The following TRAF7 variants were observed in gnomAD, a reference collection of about 807,000 sequenced individuals.
TRAF7 encodes the protein TNF receptor associated factor 7.
A neutral mutation model predicts 89.3 loss-of-function variants in TRAF7; 45 were observed. The ratio of observed to expected loss-of-function variants is 0.50; its 90% confidence interval spans 0.40 to 0.65. The LOEUF (loss-of-function observed/expected upper bound fraction) is 0.65, where lower values mean the gene tolerates loss of function less well. TRAF7 is among the 30% of genes least tolerant of loss of function. TRAF7 has a pLI of 0.00. For missense variants in TRAF7, 677 were observed against 918.1 expected, an observed-to-expected ratio of 0.74 and a Z score of 3.39; for synonymous variants, 406 against 369.2, an observed-to-expected ratio of 1.10 and a Z score of -1.14.
At chr16:2,172,620 G>T in intron 9 of TRAF7, 21 bp downstream of exon 9, 1 of 1,316,448 alleles carries the variant, frequency 7.6e-7, no homozygotes, top group South Asian at 1.3e-5. Flanking sequence ...GGCGGGCGGG[G>T]GTGGGCCGGG....
At chr16:2,157,972 G>T (rs1479863598) in intron 1 of TRAF7, among the ~76,000 whole-genome samples, 1 of 152,186 alleles carries the variant, frequency 6.6e-6, no homozygotes, top group African/African-American at 2.4e-5. Context: ...TTCCAGACAG[G>T]GTTCTGGCTC....
Position 2,172,240 on chromosome 16 carries a change from C to G in TRAF7, c.525C>G (p.Ile175Met). 3.7e-6 allele frequency: 6 copies of G among 1,613,066 alleles called. No individual in the cohort carries two copies. The highest frequency in any genetic ancestry group is 5.1e-6 in the Non-Finnish European group (6 of 1,180,000). ...NVKLTVVVNN[I>M]AVAEQIGELF... ...AACTGACCGTGGTGGTGAACAACATCGCGGTGGCCGAGCAGATCGGGGAGC... is the reference window on the plus strand; with the variant it reads ...AACTGACCGTGGTGGTGAACAACATGGCGGTGGCCGAGCAGATCGGGGAGC... Residue 175 changes from isoleucine (I) to methionine (M), a missense_variant, in exon 8 of 21, where the codon ATC becomes ATG. By Grantham distance (10) the Ile-to-Met change is conservative (BLOSUM62 1). Around this residue, in one of 6 missense-constraint regions of TRAF7, gnomAD observed 238 missense variants for 352.6 expected, o/e 0.67. Coordinates refer to ENST00000326181, the MANE Select transcript of TRAF7 (RefSeq NM_032271.3).
Position 2,177,920 on chromosome 16 carries a change from C to T in TRAF7, c.*1346C>T. On this transcript the variant is annotated 3_prime_UTR_variant, in exon 21 of 21. Coordinates refer to ENST00000326181, the MANE Select transcript of TRAF7 (RefSeq NM_032271.3). The stretch of plus-strand genomic sequence containing the variant: ...TAGCAGCCTGGGGCCTCCACTCTGG[C>T]CGGAGGAAGGACCGCAGGCAGACAG... 2.9e-6 allele frequency: 1 copy of T among 344,936 alleles called. No homozygotes were observed. Among genetic ancestry groups the T allele is most frequent in the Non-Finnish European group, 5.4e-6 (1 of 183,932 alleles). The allele number at this position is 344,936 out of a possible 1,614,324, so 21.4% of individuals were successfully genotyped here.
chr16:2,177,400 C>T lies in TRAF7; in HGVS notation c.*826C>T, dbSNP rs971912349. The T allele has an allele frequency of 4.3e-6, 1 of 233,418 alleles. No individual in the cohort carries two copies. Among genetic ancestry groups the T allele is most frequent in the Non-Finnish European group, 8.5e-6 (1 of 118,096 alleles). The allele number at this position is 233,418 out of a possible 1,614,324, so 14.5% of individuals were successfully genotyped here. A position where few individuals can be genotyped will look rare whatever the true frequency, so the allele number is the denominator to read the frequency against. ...GCCTCCACCCGCCCCACACCACAATCGCTGGTTTTCGGCATTTTTTAAATT... is the reference window on the plus strand; with the variant it reads ...GCCTCCACCCGCCCCACACCACAATTGCTGGTTTTCGGCATTTTTTAAATT... On this transcript the variant is annotated 3_prime_UTR_variant, in exon 21 of 21. Coordinates refer to ENST00000326181, the MANE Select transcript of TRAF7 (RefSeq NM_032271.3).
rs773846122 is a variant in TRAF7, at chr16:2,163,971, C to A, written c.51C>A (p.Ser17Arg). Residue 17 changes from serine (S) to arginine (R), a missense_variant, in exon 2 of 21, where the codon AGC becomes AGA. Ser to Arg is a moderately radical substitution (Grantham distance 110, BLOSUM62 -1). Around this residue, in one of 6 missense-constraint regions of TRAF7, gnomAD observed 240 missense variants for 191.9 expected, o/e 1.25. Coordinates refer to ENST00000326181, the MANE Select transcript of TRAF7 (RefSeq NM_032271.3). The surrounding 1 kb of genome is among the most constrained non-coding windows in gnomAD (Gnocchi z 4.3). ...ACAACCGCTTCTCCGGGGGGCCCAGCAATCTTCCCACCCCAGACGTCACCA... is the reference window on the plus strand; with the variant it reads ...ACAACCGCTTCTCCGGGGGGCCCAGAAATCTTCCCACCCCAGACGTCACCA... ...ARYNRFSGGP[S>R]NLPTPDVTTG... 2 of 1,612,802 alleles carry A rather than the reference C, an allele frequency of 1.2e-6. No homozygotes were observed. Among genetic ancestry groups the A allele is most frequent in the Non-Finnish European group, 1.7e-6 (2 of 1,179,706 alleles).
Position 2,170,595 on chromosome 16 carries a change from C to T in TRAF7, c.232-19C>T, listed in dbSNP as rs112236398. 50 of 1,597,092 alleles carry T rather than the reference C, an allele frequency of 3.1e-5. No homozygotes were observed. Among genetic ancestry groups the T allele is most frequent in the East Asian group, 1.6e-4 (7 of 43,928 alleles). On this transcript the variant is annotated intron_variant, in intron 4 of 20. Coordinates refer to ENST00000326181, the MANE Select transcript of TRAF7 (RefSeq NM_032271.3). ...ACCCCGTGCGGAGCCCCCCGACAGG[C>T]GCCTCTCCCTCCACACAGCCCCCCA...
chr16:2,172,184 C>T lies in TRAF7; in HGVS notation c.476-7C>T, dbSNP rs933130969. 5.0e-6 allele frequency: 8 copies of T among 1,612,862 alleles called. No individual in the cohort carries two copies. Among genetic ancestry groups the T allele is most frequent in the South Asian group, 3.3e-5 (3 of 91,084 alleles). The stretch of plus-strand genomic sequence containing the variant: ...GCCGTGAGGGTCAGCACGCCCTCCT[C>T]TCCCAGAGAAGTGTCCCGTGGACAA... On this transcript the variant is annotated splice_region_variant and splice_polypyrimidine_tract_variant and intron_variant, in intron 7 of 20. Coordinates refer to ENST00000326181, the MANE Select transcript of TRAF7 (RefSeq NM_032271.3).
chr16:2,157,766 G>A (rs2093041035), intron 1 of TRAF7, among the ~76,000 whole-genome samples: 1 of 152,040 alleles, frequency 6.6e-6, no homozygotes, highest in Admixed American at 6.6e-5. Context: ...ACTGGCTCAG[G>A]CGCTGCCGGG....
At chr16:2,174,895 A>G (rs1166780576) in intron 14 of TRAF7, among the ~76,000 whole-genome samples, 1 of 152,204 alleles carries the variant, frequency 6.6e-6, no homozygotes, top group Non-Finnish European at 1.5e-5. Flanking sequence ...TCGCTGTCAA[A>G]TGCTTTCCAG....
chr16:2,173,859 T>TGCCCCCCCCCCCCC, intron 12 of TRAF7, 23 bp downstream of exon 12: 3 of 1,246,252 alleles, frequency 2.4e-6, no homozygotes, highest in East Asian at 3.2e-5. Flanking sequence ...CCGCCGTGGC[T>TGCCCCCCCCCCCCC]CCCGCCCACC....
intron 1 of TRAF7, among the ~76,000 whole-genome samples, chr16:2,156,156 G>A (rs980693302): frequency 2.0e-5 from 3 of 151,978 alleles, no homozygotes; most frequent in African/African-American, 7.3e-5. Flanking sequence ...TGTTCTGGGC[G>A]CCGGGAGACC....
chr16:2,156,277 C>T (rs2093033983), intron 1 of TRAF7, among the ~76,000 whole-genome samples: 1 of 152,134 alleles, frequency 6.6e-6, no homozygotes, highest in South Asian at 2.1e-4. Flanking sequence ...AGGAGCTGCC[C>T]TGTACATTGT....
rs566417644 is a variant in TRAF7, at chr16:2,172,090, G to A, written c.476-101G>A. 197 of 1,438,452 alleles carry A rather than the reference G, an allele frequency of 1.4e-4. 1 individual carries two copies. The South Asian group carries it at 1.7e-3, about 12-fold the overall frequency. 89.1% of individuals were successfully genotyped at this position (1,438,452 alleles called of 1,614,324 possible). ...TTCCCATGTTGCGTGCCTCAGAGGC[G>A]CAGATGGACAGATCTGGCCCCCATT... On this transcript the variant is annotated intron_variant, in intron 7 of 20. Coordinates refer to ENST00000326181, the MANE Select transcript of TRAF7 (RefSeq NM_032271.3).
intron 3 of TRAF7, among the ~76,000 whole-genome samples, chr16:2,167,778 G>A (rs2093092254): frequency 6.6e-6 from 1 of 152,190 alleles, no homozygotes; most frequent in Admixed American, 6.5e-5. Context: ...AGCTTGTAGA[G>A]GCCCTGAAAG....
rs2093122493 is a variant in TRAF7, at chr16:2,173,560, CGGGCGGGGCTGGAG to C, written c.1086+11_1086+24del. 1 of 1,612,314 alleles carries C rather than the reference CGGGCGGGGCTGGAG, an allele frequency of 6.2e-7. No individual in the cohort carries two copies. The highest frequency in any genetic ancestry group is 2.2e-5 in the East Asian group (1 of 44,828). ...GGGACGCATCCATGTTAAATGTGAG[CGGGCGGGGCTGGAG>C]GGGCTGGGTTGTGAGACCCGGGGAG... On this transcript the variant is annotated splice_region_variant and intron_variant, in intron 11 of 20. Coordinates refer to ENST00000326181, the MANE Select transcript of TRAF7 (RefSeq NM_032271.3).
chr16:2,178,127 T>C lies in TRAF7; in HGVS notation c.*1553T>C, dbSNP rs1474383672. The C allele has an allele frequency of 2.0e-6, 1 of 502,468 alleles. No homozygotes were observed. Among genetic ancestry groups the C allele is most frequent in the South Asian group, 1.6e-5 (1 of 62,862 alleles). 31.1% of individuals were successfully genotyped at this position (502,468 alleles called of 1,614,324 possible). Reference sequence around the variant, plus strand: ...CCAATAAATTAATACTCTTGATAGCTTATATTCTGGGGGTGCGGTGGGGCA... The same window carrying C: ...CCAATAAATTAATACTCTTGATAGCCTATATTCTGGGGGTGCGGTGGGGCA... On this transcript the variant is annotated 3_prime_UTR_variant, in exon 21 of 21. Coordinates refer to ENST00000326181, the MANE Select transcript of TRAF7 (RefSeq NM_032271.3).
chr16:2,171,521 G>C (rs1210283829), intron 6 of TRAF7, 51 bp from the exon 7 acceptor site: 5 of 1,612,180 alleles, frequency 3.1e-6, no homozygotes, highest in South Asian at 1.1e-5. Context: ...CCATGGACTA[G>C]GGAAAAAGAG....
At chr16:2,173,875 C>T in intron 12 of TRAF7, 39 bp downstream of exon 12, 6 of 1,609,642 alleles carry the variant, frequency 3.7e-6, no homozygotes, top group Non-Finnish European at 5.1e-6. Flanking sequence ...CCACCCTCCC[C>T]CCCGGGCCCC....
chr16:2,169,664 C>T (rs756513696), intron 4 of TRAF7, among the ~76,000 whole-genome samples: 6 of 152,208 alleles, frequency 3.9e-5, no homozygotes, highest in Non-Finnish European at 5.9e-5. Flanking sequence ...TCTGCTCTCG[C>T]CCCTGGGGCT....
Sources: allele counts gnomAD v4.1 joint callset (sites outside exome capture counted in the v4.1 genomes callset), GRCh38; gene constraint gnomAD v4.1.1; regional missense constraint gnomAD v4.1.1; non-coding constraint Gnocchi (gnomAD v3.1); transcripts MANE v1.5; gene names NCBI Gene and HGNC (gene_info 2026-07-23, HGNC 2026-07-21).